Variants in SGCD observed in about 807,000 individuals in gnomAD.
SGCD encodes the protein sarcoglycan delta, also known as delta-sarcoglycan.
Under a neutral mutation model 36.6 loss-of-function variants are expected in SGCD, and 18 were observed. The ratio of observed to expected loss-of-function variants is 0.49; its 90% CI spans 0.34 to 0.73. The LOEUF (loss-of-function observed/expected upper bound fraction) is 0.73. Ranked by LOEUF, SGCD falls within the 30% of genes least tolerant of loss-of-function variation. The probability of loss-of-function intolerance (pLI) is 0.01; values close to 1 mark genes in which losing one functional copy is unlikely to be tolerated. For missense variants in SGCD, 387 were observed against 346.7 expected (o/e 1.12, Z -0.92); for synonymous variants, 133 against 130.6 (o/e 1.02, Z -0.12).
chr5:155,968,956 A>T (rs1158774730), intron 1 of SGCD, among the ~76,000 whole-genome samples: 3 of 152,162 alleles, frequency 2.0e-5, no homozygotes, highest in Non-Finnish European at 2.9e-5. Context: ...TGTTTTTATT[A>T]AGTAAACACT....
chr5:156,277,217 A>G (rs777011237), intron 3 of SGCD, among the ~76,000 whole-genome samples: 1 of 152,132 alleles, frequency 6.6e-6, no homozygotes, highest in Non-Finnish European at 1.5e-5. Flanking sequence ...CTGCCCCAGG[A>G]GGAGTCTTCG....
chr5:156,060,983 T>C (rs1236254338), intron 1 of SGCD, among the ~76,000 whole-genome samples: 1 of 145,236 alleles, frequency 6.9e-6, no homozygotes, highest in Non-Finnish European at 1.5e-5. Context: ...GGAATCCCTC[T>C]GTCTTTTCTC....
intron 3 of SGCD, among the ~76,000 whole-genome samples, chr5:156,389,196 A>G (rs1332249893): frequency 6.6e-6 from 1 of 152,194 alleles, no homozygotes; most frequent in Non-Finnish European, 1.5e-5. Flanking sequence ...GCTGGGGGCA[A>G]CCAGAACCTT....
chr5:156,255,116 C>T (rs1007571524), intron 3 of SGCD, among the ~76,000 whole-genome samples: 18 of 152,072 alleles, frequency 1.2e-4, no homozygotes, highest in South Asian at 8.3e-4. Context: ...ATGAATTTTG[C>T]GTTTAGACTT....
intron 3 of SGCD, among the ~76,000 whole-genome samples, chr5:156,140,986 G>A (rs934653593): frequency 6.6e-5 from 10 of 152,172 alleles, no homozygotes; most frequent in Admixed American, 5.2e-4. Context: ...GTGGAATCTT[G>A]AGGCTTGCTG....
intron 3 of SGCD, among the ~76,000 whole-genome samples, chr5:156,368,187 G>A (rs1296563930): frequency 6.6e-6 from 1 of 151,992 alleles, no homozygotes; most frequent in Admixed American, 6.6e-5. Context: ...TGCCTCCCGG[G>A]TTCAAGCAAT....
chr5:156,697,928 C>G (rs1268735064), intron 7 of SGCD, among the ~76,000 whole-genome samples: 2 of 152,084 alleles, frequency 1.3e-5, no homozygotes, highest in African/African-American at 2.4e-5. Flanking sequence ...TTCTCTCTCT[C>G]AAGTCAGGAG....
chr5:156,584,995 C>T (rs537078639), intron 4 of SGCD, among the ~76,000 whole-genome samples: 2 of 152,206 alleles, frequency 1.3e-5, no homozygotes, highest in South Asian at 4.1e-4. Flanking sequence ...CTGGCAGTCC[C>T]CTTGCAGTGG....
intron 1 of SGCD, among the ~76,000 whole-genome samples, chr5:155,989,276 GTA>G (rs763393434): frequency 1.3e-5 from 2 of 152,118 alleles, no homozygotes; most frequent in Non-Finnish European, 2.9e-5. Flanking sequence ...TAGACAATAT[GTA>G]TATGTTTTAT....
chr5:156,553,989 C>T (rs761082943), intron 4 of SGCD, among the ~76,000 whole-genome samples: 2 of 152,088 alleles, frequency 1.3e-5, no homozygotes, highest in African/African-American at 2.4e-5. Flanking sequence ...CCCCTTAATC[C>T]GTGGTTGTAC....
intron 1 of SGCD, among the ~76,000 whole-genome samples, chr5:155,949,983 A>T (rs2113428027): frequency 6.6e-6 from 1 of 152,268 alleles, no homozygotes; most frequent in East Asian, 1.9e-4. Context: ...TGGCAACTCA[A>T]CTTGTGGAAT....
chr5:156,024,461 G>A (rs1759181146), intron 1 of SGCD, among the ~76,000 whole-genome samples: 1 of 151,818 alleles, frequency 6.6e-6, no homozygotes, highest in Non-Finnish European at 1.5e-5. Flanking sequence ...CTAGTTGTCT[G>A]GCCTCTAGTA....
intron 7 of SGCD, among the ~76,000 whole-genome samples, chr5:156,690,239 G>C (rs1754059057): frequency 6.6e-6 from 1 of 152,172 alleles, no homozygotes; most frequent in East Asian, 1.9e-4. Context: ...ATGGAGTTAG[G>C]AAAGAATAGA....
chr5:156,680,870 C>G (rs370751591), intron 7 of SGCD, among the ~76,000 whole-genome samples: 5 of 152,174 alleles, frequency 3.3e-5, no homozygotes, highest in South Asian at 2.1e-4. Flanking sequence ...TCCTTGACCC[C>G]CTTCATGGGC....
At chr5:156,114,093 G>T (rs558579073) in intron 1 of SGCD, among the ~76,000 whole-genome samples, 2 of 152,160 alleles carry the variant, frequency 1.3e-5, no homozygotes, top group African/African-American at 4.8e-5. Context: ...TAATACATTT[G>T]TCAAAACCCA....
chr5:156,224,771 C>T (rs574401935), intron 3 of SGCD, among the ~76,000 whole-genome samples: 2 of 152,216 alleles, frequency 1.3e-5, no homozygotes, highest in African/African-American at 4.8e-5. Context: ...GGCCACATGC[C>T]TTTGTCTCAA....
chr5:156,606,645 C>T (rs552740977), intron 6 of SGCD, among the ~76,000 whole-genome samples: 3 of 152,238 alleles, frequency 2.0e-5, no homozygotes, highest in Admixed American at 6.5e-5. Flanking sequence ...GACAGTATGG[C>T]CATTTCCATG....
intron 4 of SGCD, among the ~76,000 whole-genome samples, chr5:156,551,855 A>T (rs1490188763): frequency 6.6e-6 from 1 of 152,132 alleles, no homozygotes; most frequent in Non-Finnish European, 1.5e-5. Context: ...TTTTGCTTTT[A>T]CTGTGACTTC....
the SGCD span, among the ~76,000 whole-genome samples, chr5:155,734,219 TATA>T: frequency 6.7e-6 from 1 of 150,162 alleles, no homozygotes; most frequent in Non-Finnish European, 1.5e-5. Flanking sequence ...TTAATATTAT[TATA>T]TGAGACAGGG....
Sources: gnomAD v4.1 joint callset for allele counts (sites outside exome capture counted in the v4.1 genomes callset) on GRCh38, gnomAD v4.1.1 for gene constraint, MANE v1.5 for transcripts, NCBI Gene and HGNC (gene_info 2026-07-23, HGNC 2026-07-21) for gene names.